PCDH15: variants seen among roughly 807,000 people sequenced by gnomAD.
PCDH15 encodes the protein protocadherin related 15.
Under a neutral mutation model 178.5 loss-of-function variants are expected in PCDH15, and 129 were observed. The observed-to-expected ratio is 0.72, with a 90% CI of 0.63 to 0.84. PCDH15 has a LOEUF of 0.84. Ranked by LOEUF, PCDH15 falls within the 40% of genes least tolerant of loss-of-function variation. PCDH15 has a pLI of 0.00. For synonymous variants in PCDH15, 800 were observed against 732.0 expected (o/e 1.09, Z -1.50); for missense variants, 2,230 against 2,099.9 (o/e 1.06, Z -1.21).
chr10:54,687,358 A>C (rs1323617844), intron 1 of PCDH15, among the ~76,000 whole-genome samples: 1 of 152,128 alleles, frequency 6.6e-6, no homozygotes, highest in Non-Finnish European at 1.5e-5. Flanking sequence ...ATATACTAGT[A>C]CTCTTATGCT....
intron 2 of PCDH15, chr10:55,513,120 C>T (rs191915203): frequency 2.0e-5 from 3 of 152,172 alleles, no homozygotes; most frequent in East Asian, 1.9e-4. Flanking sequence ...TTTAAGACAA[C>T]GTGATTAATG....
intron 1 of PCDH15, among the ~76,000 whole-genome samples, chr10:55,313,232 G>A (rs1026770039): frequency 6.6e-6 from 1 of 152,056 alleles, no homozygotes; most frequent in South Asian, 2.1e-4. Context: ...AAACTGTTTA[G>A]AACCTTAAAA....
chr10:54,970,123 G>T (rs1276853794), intron 2 of PCDH15, among the ~76,000 whole-genome samples: 3 of 152,132 alleles, frequency 2.0e-5, no homozygotes, highest in Admixed American at 2.0e-4. Flanking sequence ...AGGCCCTTTT[G>T]TCTTTCTGTC....
intron 1 of PCDH15, among the ~76,000 whole-genome samples, chr10:55,266,048 T>G (rs569695899): frequency 6.6e-6 from 1 of 152,168 alleles, no homozygotes; most frequent in Non-Finnish European, 1.5e-5. Context: ...ACCACTCCCA[T>G]AGAAGGTTTA....
chr10:53,876,975 T>C (rs1220731366), intron 26 of PCDH15, among the ~76,000 whole-genome samples: 1 of 151,952 alleles, frequency 6.6e-6, no homozygotes, highest in Admixed American at 6.6e-5. Flanking sequence ...ATTTAAATCA[T>C]GGTGCAAAAA....
At chr10:53,955,154 C>T (rs1223464731) in intron 23 of PCDH15, among the ~76,000 whole-genome samples, 1 of 152,174 alleles carries the variant, frequency 6.6e-6, no homozygotes. Context: ...GTGCAATTCT[C>T]ACCTCACTTG....
chr10:53,897,620 T>G (rs988022987), intron 26 of PCDH15, among the ~76,000 whole-genome samples: 1 of 151,556 alleles, frequency 6.6e-6, no homozygotes, highest in African/African-American at 2.4e-5. Context: ...CAAATACCAC[T>G]GCCATTCATG....
chr10:54,710,267 G>C (rs1212043865), intron 1 of PCDH15, among the ~76,000 whole-genome samples: 2 of 151,896 alleles, frequency 1.3e-5, no homozygotes, highest in African/African-American at 4.8e-5. Context: ...AGTTTTCCTA[G>C]TGACAAAAGC....
At chr10:54,194,692 A>C (rs556464479) in intron 11 of PCDH15, among the ~76,000 whole-genome samples, 3 of 117,780 alleles carry the variant, frequency 2.5e-5, no homozygotes, top group African/African-American at 9.5e-5. Context: ...ATCTATCTAT[A>C]TCTGTATGTG....
chr10:54,147,925 T>C (rs2133267827), intron 14 of PCDH15, among the ~76,000 whole-genome samples: 1 of 151,996 alleles, frequency 6.6e-6, no homozygotes, highest in South Asian at 2.1e-4. Flanking sequence ...GGAGTGGAAG[T>C]GGGAAAGGGG....
intron 37 of PCDH15, chr10:53,809,097 T>A (rs763267318): frequency 1.2e-6 from 2 of 1,613,918 alleles, no homozygotes; most frequent in South Asian, 2.2e-5. Flanking sequence ...CTTTTTCTCC[T>A]TCTGACTCTG....
chr10:53,819,160 A>C (rs1036162323), intron 33 of PCDH15, among the ~76,000 whole-genome samples: 1 of 152,052 alleles, frequency 6.6e-6, no homozygotes, highest in Non-Finnish European at 1.5e-5. Flanking sequence ...TTTTTCAGAA[A>C]TAATTCAGGT....
intron 1 of PCDH15, among the ~76,000 whole-genome samples, chr10:54,772,831 C>T (rs534329990): frequency 6.6e-6 from 1 of 152,086 alleles, no homozygotes; most frequent in East Asian, 1.9e-4. Context: ...TTAATTGCAG[C>T]CATATTCACA....
chr10:55,164,608 A>G (rs2680313), intron 2 of PCDH15, among the ~76,000 whole-genome samples: 150,891 of 152,152 alleles, frequency 0.99, 74,828 homozygotes, highest in East Asian at 1. Context: ...TTCATAATTC[A>G]TGCTCTTGTT....
chr10:55,491,237 A>G (rs1840408637), intron 2 of PCDH15, among the ~76,000 whole-genome samples: 1 of 151,602 alleles, frequency 6.6e-6, no homozygotes, highest in African/African-American at 2.4e-5. Flanking sequence ...TCTATATCTG[A>G]TTTCACCCTG....
intron 8 of PCDH15, among the ~76,000 whole-genome samples, chr10:54,268,907 A>G (rs193235917): frequency 5.1e-4 from 78 of 151,574 alleles, no homozygotes; most frequent in African/African-American, 1.6e-3. Flanking sequence ...TTTAAAAACT[A>G]TTTTCTTCTC....
At chr10:54,742,929 C>A (rs1271722717) in intron 1 of PCDH15, among the ~76,000 whole-genome samples, 1 of 152,030 alleles carries the variant, frequency 6.6e-6, no homozygotes, top group East Asian at 1.9e-4. Flanking sequence ...TAGAAATATT[C>A]ATCAATGTCT....
chr10:54,378,840 A>C lies in PCDH15; in HGVS notation c.260T>G (p.Met87Arg), dbSNP rs766445650. The C allele has an allele frequency of 3.7e-6, 6 of 1,613,864 alleles. No individual in the cohort carries two copies. The highest frequency in any genetic ancestry group is 4.2e-6 in the Non-Finnish European group (5 of 1,179,916). The change falls in exon 4 of 38, where the codon ATG becomes AGG. Residue 87 changes from methionine (M) to arginine (R), a missense_variant. By Grantham distance (91) the Met-to-Arg change is moderately conservative. Transcript: ENST00000644397. ...GAAAAGCATTTGCTTAACAGGATCC[A>C]TCAACACCCAGTAATCCACATTATC... ...LKDNVDYWVL[M>R]DPVKQMLFLN...
At chr10:54,084,446 C>G (rs2094485994) in intron 16 of PCDH15, among the ~76,000 whole-genome samples, 1 of 151,360 alleles carries the variant, frequency 6.6e-6, no homozygotes, top group South Asian at 2.1e-4. Flanking sequence ...GCTCTCCAGT[C>G]TGGGAGACAG....
Sources: allele counts gnomAD v4.1 joint callset (sites outside exome capture counted in the v4.1 genomes callset), GRCh38; gene constraint gnomAD v4.1.1; transcripts MANE v1.5; gene names NCBI Gene and HGNC (gene_info 2026-07-23, HGNC 2026-07-21).